Variants in ACTN1 observed in about 807,000 individuals in gnomAD.
The protein encoded by ACTN1 is actinin alpha 1.
ACTN1 carries 30 observed loss-of-function variants against 119.6 expected under a neutral mutation model. The observed-to-expected ratio is 0.25, with a 90% CI of 0.19 to 0.34. The LOEUF is 0.34. Among genes scored for constraint, ACTN1 ranks in the 10% least tolerant of loss-of-function variants. The probability of loss-of-function intolerance (pLI) is 1.00; values close to 1 mark genes in which losing one functional copy is unlikely to be tolerated. For synonymous variants in ACTN1, 429 were observed against 472.6 expected (o/e 0.91, Z 1.20); for missense variants, 764 against 1,223.4 (o/e 0.62, Z 5.60).
At chr14:68,889,538 T>TA (rs199997052) in intron 11 of ACTN1, among the ~76,000 whole-genome samples, 3,710 of 152,354 alleles carry the variant, frequency 0.024, 79 homozygotes, top group South Asian at 0.056. Flanking sequence ...CTCACGCCTG[T>TA]AATCCCAACA....
At position 68,879,692 on chromosome 14, in the gene ACTN1, G is replaced by A. The variant is rs922264731; in HGVS notation, c.2280+270C>T. ...CCTTCACTGAGGGTGACTCCTCATG[G>A]TAGGAGAGCAAGGATCAGGGGTCAA... On this transcript the variant is annotated intron_variant, in intron 18 of 21. Transcript: ENST00000394419. The surrounding 1 kb of genome is among the most constrained non-coding windows in gnomAD (Gnocchi z 4.9). 1.1e-4 allele frequency among the ~76,000 whole-genome samples: 16 copies of A among 151,476 alleles called. No individual in the cohort carries two copies. Among genetic ancestry groups the A allele is most frequent in the African/African-American group, 3.4e-4 (14 of 40,980 alleles).
chr14:68,875,220 C>T (rs2030761448), intron 21 of ACTN1: 1 of 1,422,710 alleles, frequency 7.0e-7, no homozygotes. Flanking sequence ...AAAATTCTCT[C>T]AGGTTTTCCA....
chr14:68,941,979 C>G (rs1194456083), intron 1 of ACTN1, among the ~76,000 whole-genome samples: 2 of 152,148 alleles, frequency 1.3e-5, no homozygotes, highest in Non-Finnish European at 1.5e-5. Flanking sequence ...GACAACCACC[C>G]GGCAGCAGCC....
intron 8 of ACTN1, among the ~76,000 whole-genome samples, chr14:68,902,206 C>T (rs898034691): frequency 6.6e-6 from 1 of 152,200 alleles, no homozygotes; most frequent in Non-Finnish European, 1.5e-5. Context: ...TGCACACAGC[C>T]CTTCCTGCTT....
chr14:68,879,818 A>G lies in ACTN1; in HGVS notation c.2280+144T>C, dbSNP rs1487749308. 2.5e-6 allele frequency: 3 copies of G among 1,208,928 alleles called. No homozygotes were observed. Among genetic ancestry groups the G allele is most frequent in the Admixed American group, 2.8e-5 (1 of 36,350 alleles). The allele number at this position is 1,208,928 out of a possible 1,614,324, so 74.9% of individuals were successfully genotyped here. On this transcript the variant is annotated intron_variant, in intron 18 of 21. Coordinates refer to ENST00000394419, the MANE Select transcript of ACTN1 (RefSeq NM_001130004.2). This position sits in a 1 kb window ranked among gnomAD's most constrained non-coding sequence, Gnocchi z 4.9. ...TTCCAAGGCTGGTTTTGCAGGGTGC[A>G]TTGAGTCAGGGCAGGCTGACGGCAG...
chr14:68,892,361 C>T, intron 9 of ACTN1, 78 bp from the exon 10 acceptor site: 9 of 1,448,972 alleles, frequency 6.2e-6, no homozygotes, highest in Admixed American at 1.9e-5. Flanking sequence ...CCTTTCCTCC[C>T]AACAGCCCTC....
At chr14:68,876,351 A>G (rs973392984) in intron 21 of ACTN1, among the ~76,000 whole-genome samples, 3 of 152,114 alleles carry the variant, frequency 2.0e-5, no homozygotes, top group East Asian at 3.8e-4. Flanking sequence ...CTTTTACTGA[A>G]CAGAACACAG....
In ACTN1 at chr14:68,903,919, G is replaced by T. The variant is rs138891590; in HGVS notation, c.676+736C>A. On this transcript the variant is annotated intron_variant, in intron 7 of 21. Transcript: ENST00000394419. ...TTTCCAGCCCCAGGCCCAATCTTTG[G>T]TAAGGATGTTCTAGTGTCGAACCCT... Among the ~76,000 whole-genome samples, 7 of 152,298 alleles carry T rather than the reference G, an allele frequency of 4.6e-5. No homozygotes were observed. The South Asian group carries it at 1.5e-3, about 32-fold the overall frequency.
In ACTN1 at chr14:68,879,785, C is replaced by T. The variant is rs2031318810; in HGVS notation, c.2280+177G>A. The stretch of plus-strand genomic sequence containing the variant: ...AGCAGGGAAGCTTATGGGGCACCAA[C>T]ACAGGTTTTCCAAGGCTGGTTTTGC... On this transcript the variant is annotated intron_variant, in intron 18 of 21. Coordinates refer to ENST00000394419, the MANE Select transcript of ACTN1 (RefSeq NM_001130004.2). The surrounding 1 kb of genome is among the most constrained non-coding windows in gnomAD (Gnocchi z 4.9). 2.4e-6 allele frequency: 2 copies of T among 824,140 alleles called. No homozygotes were observed. The highest frequency in any genetic ancestry group is 3.7e-6 in the Non-Finnish European group (2 of 542,578). The allele number at this position is 824,140 out of a possible 1,614,324, so 51.1% of individuals were successfully genotyped here.
At position 68,878,528 on chromosome 14, in the gene ACTN1, G is replaced by T. The variant is rs775826419; in HGVS notation, c.2362-5C>A. On this transcript the variant is annotated splice_polypyrimidine_tract_variant and splice_region_variant and intron_variant, in intron 19 of 21. Transcript: ENST00000394419. This position sits in a 1 kb window ranked among gnomAD's most constrained non-coding sequence, Gnocchi z 4.4. ...GTCCATCATGCCTGTCTTCTTCTGT[G>T]GGGGGCAGTGGTACCAAGACACAAG... 4.4e-6 allele frequency: 7 copies of T among 1,608,742 alleles called. No individual in the cohort carries two copies. The highest frequency in any genetic ancestry group is 4.0e-5 in the African/African-American group (3 of 74,798).
At chr14:68,905,018 G>C (rs2033580657) in intron 6 of ACTN1, among the ~76,000 whole-genome samples, 1 of 152,230 alleles carries the variant, frequency 6.6e-6, no homozygotes, top group Admixed American at 6.5e-5. Context: ...GAGTTCCTAA[G>C]AAACGTGTGC....
At chr14:68,944,192 G>A (rs1213168332) in intron 1 of ACTN1, among the ~76,000 whole-genome samples, 1 of 152,216 alleles carries the variant, frequency 6.6e-6, no homozygotes, top group African/African-American at 2.4e-5. Context: ...TAGGGAGATG[G>A]AAAGAGGGTT....
At chr14:68,932,074 T>C (rs1488019429) in intron 1 of ACTN1, among the ~76,000 whole-genome samples, 1 of 151,920 alleles carries the variant, frequency 6.6e-6, no homozygotes, top group Non-Finnish European at 1.5e-5. Flanking sequence ...TTAATATTGA[T>C]TGTCAACTTG....
Position 68,885,954 on chromosome 14 carries a change from T to A in ACTN1, c.1235-379A>T, listed in dbSNP as rs2031969409. The A allele has an allele frequency of 5.4e-6, 1 of 184,880 alleles. No homozygotes were observed. Among genetic ancestry groups the A allele is most frequent in the South Asian group, 1.3e-4 (1 of 7,766 alleles). The allele number at this position is 184,880 out of a possible 1,614,324, so 11.5% of individuals were successfully genotyped here. ...TCAGGAGTACCCTGCCTTTAGAATG[T>A]CCCCAGTTACCGTCACTGGCTGCCG... On this transcript the variant is annotated intron_variant, in intron 11 of 21. Transcript: ENST00000394419. The surrounding 1 kb of genome is among the most constrained non-coding windows in gnomAD (Gnocchi z 5.6).
intron 1 of ACTN1, among the ~76,000 whole-genome samples, chr14:68,928,374 C>T (rs1424628258): frequency 6.6e-6 from 1 of 152,122 alleles, no homozygotes; most frequent in Non-Finnish European, 1.5e-5. Flanking sequence ...TCCTCAGAGG[C>T]CCCATAGATT....
rs767050519 is a variant in ACTN1 at position 68,971,542 on chromosome 14, T to A, written c.105+7410A>T. ...CAGCACCTTCATTTCCAGGCCTCTC[T>A]CGCTGTGCGGCTGTGAACATGTTGT... On this transcript the variant is annotated intron_variant, in intron 1 of 21. Transcript: ENST00000394419. 3.3e-5 allele frequency among the ~76,000 whole-genome samples: 5 copies of A among 152,228 alleles called. No individual in the cohort carries two copies. In the South Asian group the frequency reaches 1.0e-3, roughly 31 times the overall value.
At chr14:68,944,778 A>T (rs941829862) in intron 1 of ACTN1, among the ~76,000 whole-genome samples, 1 of 152,128 alleles carries the variant, frequency 6.6e-6, no homozygotes, top group Non-Finnish European at 1.5e-5. Context: ...ATAACCTGTC[A>T]TCCAAACCAA....
At position 68,954,797 on chromosome 14, in the gene ACTN1, G is replaced by A. The variant is rs1203107961; in HGVS notation, c.105+24155C>T. Among the ~76,000 whole-genome samples the A allele has an allele frequency of 5.3e-5, 8 of 152,318 alleles. No homozygotes were observed. In the South Asian group the frequency reaches 6.2e-4, roughly 12 times the overall value. On this transcript the variant is annotated intron_variant, in intron 1 of 21. Transcript: ENST00000394419. Reference sequence around the variant, plus strand: ...GCTGTGCCAATGTGCAACACCTTAAGAAATGAACACATCACTCGCTCTATT... The same window carrying A: ...GCTGTGCCAATGTGCAACACCTTAAAAAATGAACACATCACTCGCTCTATT...
At chr14:68,973,032 C>T (rs2036940650) in intron 1 of ACTN1, among the ~76,000 whole-genome samples, 1 of 152,208 alleles carries the variant, frequency 6.6e-6, no homozygotes, top group Admixed American at 6.5e-5. Context: ...AGCTTTGGGG[C>T]CTGCCCATCA....
Sources: allele counts gnomAD v4.1 joint callset (sites outside exome capture counted in the v4.1 genomes callset), GRCh38; gene constraint gnomAD v4.1.1; non-coding constraint Gnocchi (gnomAD v3.1); transcripts MANE v1.5; gene names NCBI Gene and HGNC (gene_info 2026-07-23, HGNC 2026-07-21).